Variants in FAM117B observed in about 807,000 individuals in gnomAD.
FAM117B encodes protein FAM117B.
Under a neutral mutation model 52.8 loss-of-function variants are expected in FAM117B, and 22 were observed. The ratio of observed to expected loss-of-function variants is 0.42; its 90% CI spans 0.30 to 0.59. The LOEUF (loss-of-function observed/expected upper bound fraction) is 0.59. Ranked by LOEUF, FAM117B falls within the 20% of genes least tolerant of loss-of-function variation. FAM117B has a pLI of 0.22. For missense variants in FAM117B, 678 were observed against 802.6 expected (o/e 0.84, Z 1.88); for synonymous variants, 309 against 324.1 (o/e 0.95, Z 0.50).
intron 4 of FAM117B, among the ~76,000 whole-genome samples, chr2:202,726,825 A>T (rs1004087143): frequency 2.6e-5 from 4 of 152,106 alleles, no homozygotes; most frequent in Non-Finnish European, 5.9e-5. Context: ...TAGAAGAAAT[A>T]CCTAATGTAA....
intron 4 of FAM117B, among the ~76,000 whole-genome samples, chr2:202,746,485 T>A (rs752463058): frequency 2.3e-5 from 3 of 131,184 alleles, no homozygotes; most frequent in Non-Finnish European, 3.5e-5. Flanking sequence ...TATATACCAA[T>A]AAATGCCTCC....
intron 4 of FAM117B, among the ~76,000 whole-genome samples, chr2:202,738,983 G>A (rs1031706412): frequency 3.9e-5 from 6 of 152,162 alleles, no homozygotes; most frequent in Non-Finnish European, 5.9e-5. Context: ...GAGGTCAGGA[G>A]TTTGAGACCA....
chr2:202,740,538 T>TAGTATATTA (rs1691517201), intron 4 of FAM117B, among the ~76,000 whole-genome samples: 1 of 152,302 alleles, frequency 6.6e-6, no homozygotes, highest in African/African-American at 2.4e-5. Flanking sequence ...GAGCAAAATT[T>TAGTATATTA]AGTATATTAA....
chr2:202,736,724 C>A (rs1177446228), intron 4 of FAM117B, among the ~76,000 whole-genome samples: 1 of 152,138 alleles, frequency 6.6e-6, no homozygotes, highest in Non-Finnish European at 1.5e-5. Flanking sequence ...ATTGCCCCTA[C>A]CGCACTCTAG....
intron 2 of FAM117B, among the ~76,000 whole-genome samples, chr2:202,724,549 T>C (rs1691207070): frequency 6.6e-6 from 1 of 152,232 alleles, no homozygotes; most frequent in Non-Finnish European, 1.5e-5. Flanking sequence ...ATGTTAGCTA[T>C]TATTAGTGTG....
At chr2:202,687,470 C>T (rs1690559386) in intron 1 of FAM117B, among the ~76,000 whole-genome samples, 1 of 152,198 alleles carries the variant, frequency 6.6e-6, no homozygotes, top group Non-Finnish European at 1.5e-5. Flanking sequence ...AGTGCAGTGA[C>T]TCAATCATAG....
Position 202,724,902 on chromosome 2 carries a change from CT to C in FAM117B, c.754-9del. ...GATTTTTGTTAAATACACCTCCCCT[CT>C]TTTTTCATTACAGACAGAGAGTGCA... On this transcript the variant is annotated splice_polypyrimidine_tract_variant and intron_variant, in intron 2 of 7. Transcript: ENST00000392238. 1.9e-6 allele frequency: 3 copies of C among 1,583,194 alleles called. No homozygotes were observed. The highest frequency in any genetic ancestry group is 2.6e-6 in the Non-Finnish European group (3 of 1,164,318).
chr2:202,685,171 G>C (rs771382231), intron 1 of FAM117B, among the ~76,000 whole-genome samples: 5 of 152,042 alleles, frequency 3.3e-5, no homozygotes, highest in Non-Finnish European at 5.9e-5. Flanking sequence ...TTTTAGTAGA[G>C]ATGGGGTTTC....
chr2:202,635,327 A>T lies in FAM117B; in HGVS notation c.140A>T (p.Gln47Leu). The T allele has an allele frequency of 7.1e-7, 1 of 1,417,040 alleles. No homozygotes were observed. The allele number at this position is 1,417,040 out of a possible 1,614,324, so 87.8% of individuals were successfully genotyped here. A position where few individuals can be genotyped will look rare whatever the true frequency, so the allele number is the denominator to read the frequency against. Residue 47 changes from glutamine (Q) to leucine (L), a missense_variant, in exon 1 of 8, where the codon CAG becomes CTG. Physicochemically the swap from Gln to Leu is moderately radical, Grantham distance 113. Transcript: ENST00000392238. ...GTTCCGTTCCAGCTGAAGCAGCAGC[A>T]GCAGCAGCAACATGGCAGCCCCACG... ...ATVPFQLKQQQQQQHGSPTRS... is the reference protein window; with the variant it reads ...ATVPFQLKQQLQQQHGSPTRS...
chr2:202,635,092 TGGG>T lies in FAM117B; in HGVS notation c.-92_-90del, dbSNP rs1029915364. The T allele has an allele frequency of 7.3e-6, 9 of 1,235,892 alleles. No individual in the cohort carries two copies. Among genetic ancestry groups the T allele is most frequent in the African/African-American group, 3.2e-5 (2 of 63,268 alleles). 76.6% of individuals were successfully genotyped at this position (1,235,892 alleles called of 1,614,324 possible). On this transcript the variant is annotated 5_prime_UTR_variant, in exon 1 of 8. Coordinates refer to ENST00000392238, the MANE Select transcript of FAM117B (RefSeq NM_173511.4). ...GGAGTCCGGCTTCGTCACCCCGTCT[TGGG>T]GGGCCTGCCCTCCGGCCTCGAGAAT...
In FAM117B at chr2:202,766,061, AACACACACACACACACACACACAC is replaced by A. The variant is rs34556556; in HGVS notation, c.*320_*343del. ...TTGTTTTCGAATTAGACTTCTTTAA[AACACACACACACACACACACACAC>A]ACACACACACACACACACACACCCC... On this transcript the variant is annotated 3_prime_UTR_variant, in exon 8 of 8. Transcript: ENST00000392238. 7 of 203,094 alleles carry A rather than the reference AACACACACACACACACACACACAC, an allele frequency of 3.4e-5. No individual in the cohort carries two copies. Among genetic ancestry groups the A allele is most frequent in the East Asian group, 2.9e-4 (2 of 6,970 alleles). The allele number at this position is 203,094 out of a possible 1,614,324, so 12.6% of individuals were successfully genotyped here.
At chr2:202,671,541 A>G (rs1690298980) in intron 1 of FAM117B, among the ~76,000 whole-genome samples, 1 of 152,232 alleles carries the variant, frequency 6.6e-6, no homozygotes, top group African/African-American at 2.4e-5. Context: ...AGAGAGGCTC[A>G]GATGCTGAGA....
At chr2:202,663,064 G>A (rs1462946759) in intron 1 of FAM117B, among the ~76,000 whole-genome samples, 2 of 152,172 alleles carry the variant, frequency 1.3e-5, no homozygotes, top group Non-Finnish European at 2.9e-5. Context: ...TACATTCATA[G>A]TTTTATAACC....
intron 1 of FAM117B, among the ~76,000 whole-genome samples, chr2:202,646,253 C>G (rs543059315): frequency 4.1e-4 from 63 of 152,174 alleles, no homozygotes; most frequent in Non-Finnish European, 7.8e-4. Flanking sequence ...TCAAGTGATC[C>G]GCCTGTCTCC....
chr2:202,732,558 C>T (rs1691370607), intron 4 of FAM117B, among the ~76,000 whole-genome samples: 1 of 152,120 alleles, frequency 6.6e-6, no homozygotes, highest in South Asian at 2.1e-4. Context: ...GCGGCTTATG[C>T]CCGAAATACC....
chr2:202,731,368 T>TATATATATATATATAG (rs780138718), intron 4 of FAM117B, among the ~76,000 whole-genome samples: 1,427 of 95,688 alleles, frequency 0.015, 137 homozygotes, highest in Non-Finnish European at 0.021. Flanking sequence ...TATATATATA[T>TATATATATATATATAG]GGAGAGAGAG....
At chr2:202,720,527 A>G (rs995723108) in intron 2 of FAM117B, among the ~76,000 whole-genome samples, 3 of 151,924 alleles carry the variant, frequency 2.0e-5, no homozygotes, top group Non-Finnish European at 2.9e-5. Flanking sequence ...CTACAACAGC[A>G]TTAGGTCACC....
chr2:202,733,330 A>C (rs1255468875), intron 4 of FAM117B, among the ~76,000 whole-genome samples: 2 of 152,180 alleles, frequency 1.3e-5, no homozygotes, highest in Admixed American at 6.5e-5. Context: ...TGTCTTGATA[A>C]ACGTCTTAAA....
intron 2 of FAM117B, among the ~76,000 whole-genome samples, chr2:202,698,510 C>T (rs979816741): frequency 5.9e-5 from 9 of 152,198 alleles, no homozygotes; most frequent in Admixed American, 5.2e-4. Context: ...GCAACCTCTG[C>T]CTCCTGGGTA....
Sources: allele counts gnomAD v4.1 joint callset (sites outside exome capture counted in the v4.1 genomes callset), GRCh38; gene constraint gnomAD v4.1.1; transcripts MANE v1.5; gene names NCBI Gene and HGNC (gene_info 2026-07-23, HGNC 2026-07-21).